CTNND2: variants seen among roughly 807,000 people sequenced by gnomAD.
CTNND2 encodes catenin delta-2.
In CTNND2, 22 loss-of-function variants were observed where a neutral mutation model predicts 144.4. The ratio of observed to expected loss-of-function variants is 0.15; its 90% CI spans 0.11 to 0.22. The LOEUF (loss-of-function observed/expected upper bound fraction) is 0.22. Among genes scored for constraint, CTNND2 ranks in the 10% least tolerant of loss-of-function variants. CTNND2 has a pLI of 1.00. For synonymous variants in CTNND2, 751 were observed against 695.6 expected (o/e 1.08, Z -1.25); for missense variants, 1,353 against 1,618.8 (o/e 0.84, Z 2.82).
intron 11 of CTNND2, among the ~76,000 whole-genome samples, chr5:11,198,862 A>G (rs32265): frequency 0.48 from 73,577 of 152,092 alleles, 18,330 homozygotes; most frequent in African/African-American, 0.6. Context: ...TGTTTTACAG[A>G]GTCTCATTTA....
At chr5:11,902,026 T>G (rs1260632918) in intron 1 of CTNND2, among the ~76,000 whole-genome samples, 1 of 152,214 alleles carries the variant, frequency 6.6e-6, no homozygotes, top group African/African-American at 2.4e-5. Flanking sequence ...AAAGCAATAT[T>G]GCTAAAGACT....
At chr5:11,393,339 G>A (rs1417895224) in intron 6 of CTNND2, among the ~76,000 whole-genome samples, 1 of 152,156 alleles carries the variant, frequency 6.6e-6, no homozygotes, top group Non-Finnish European at 1.5e-5. Flanking sequence ...AATTCTACTG[G>A]AGAATATGCA....
intron 3 of CTNND2, among the ~76,000 whole-genome samples, chr5:11,498,376 T>C (rs61757508): frequency 4.2e-3 from 641 of 152,302 alleles, no homozygotes; most frequent in South Asian, 8.7e-3. Flanking sequence ...ACCTTGATCA[T>C]GAACTCTAAC....
intron 10 of CTNND2, among the ~76,000 whole-genome samples, chr5:11,201,233 C>T (rs1737406892): frequency 6.6e-6 from 1 of 152,112 alleles, no homozygotes; most frequent in Non-Finnish European, 1.5e-5. Flanking sequence ...ATCCCTAAAC[C>T]CAGTGCAATG....
chr5:11,490,413 T>G (rs1038306483), intron 3 of CTNND2, among the ~76,000 whole-genome samples: 1 of 152,234 alleles, frequency 6.6e-6, no homozygotes, highest in Non-Finnish European at 1.5e-5. Context: ...AGCTTTTGAA[T>G]GTACATGTAT....
intron 2 of CTNND2, among the ~76,000 whole-genome samples, chr5:11,660,899 T>A (rs1248054195): frequency 6.6e-6 from 1 of 152,050 alleles, no homozygotes; most frequent in Non-Finnish European, 1.5e-5. Flanking sequence ...AATTTAAAAA[T>A]CTTGAGAAAA....
intron 20 of CTNND2, chr5:10,986,669 G>A (rs530976458): frequency 1.5e-5 from 7 of 456,194 alleles, no homozygotes; most frequent in East Asian, 1.4e-4. Flanking sequence ...AGGTTCTCCC[G>A]TTCAGGAAAC....
chr5:11,511,508 A>C (rs1468006622), intron 3 of CTNND2, among the ~76,000 whole-genome samples: 1 of 152,176 alleles, frequency 6.6e-6, no homozygotes, highest in East Asian at 1.9e-4. Flanking sequence ...GACCATTCCC[A>C]TTCCATTTTC....
At chr5:11,339,994 C>T (rs1039946612) in intron 9 of CTNND2, among the ~76,000 whole-genome samples, 1 of 152,192 alleles carries the variant, frequency 6.6e-6, no homozygotes, top group African/African-American at 2.4e-5. Context: ...TTTCAAGTTA[C>T]CACTTTGTCC....
chr5:11,525,769 T>C (rs1479653735), intron 3 of CTNND2, among the ~76,000 whole-genome samples: 2 of 152,306 alleles, frequency 1.3e-5, no homozygotes, highest in East Asian at 1.9e-4. Context: ...TGTGGGTGTG[T>C]GTGAAAGGTG....
rs566550996 is a variant in CTNND2, at chr5:11,054,084, C to T, written c.2788+28612G>A. Among the ~76,000 whole-genome samples, 3 of 152,300 alleles carry T rather than the reference C, an allele frequency of 2.0e-5. No homozygotes were observed. The East Asian group carries it at 5.8e-4, about 29-fold the overall frequency. Reference sequence around the variant, plus strand: ...CTGAAAATGCTTAATCTCTTTTTCACAGAACAGAGGTGCTGAAAAACCTTT... The same window carrying T: ...CTGAAAATGCTTAATCTCTTTTTCATAGAACAGAGGTGCTGAAAAACCTTT... On this transcript the variant is annotated intron_variant, in intron 16 of 21. Coordinates refer to ENST00000304623, the MANE Select transcript of CTNND2 (RefSeq NM_001332.4).
intron 15 of CTNND2, among the ~76,000 whole-genome samples, chr5:11,096,879 TAGTC>T (rs1347713365): frequency 3.3e-5 from 5 of 152,090 alleles, no homozygotes; most frequent in Non-Finnish European, 5.9e-5. Context: ...CTTTGTGTCT[TAGTC>T]AGGCTGATGC....
chr5:11,273,861 C>G (rs1746261382), intron 9 of CTNND2, among the ~76,000 whole-genome samples: 1 of 152,156 alleles, frequency 6.6e-6, no homozygotes, highest in Admixed American at 6.6e-5. Flanking sequence ...TCCTGATACA[C>G]AGTAAGTTTT....
intron 12 of CTNND2, among the ~76,000 whole-genome samples, chr5:11,158,031 G>T (rs536606090): frequency 1.3e-5 from 2 of 152,152 alleles, no homozygotes; most frequent in African/African-American, 4.8e-5. Context: ...AATAAAGGTG[G>T]TAGCCTATAT....
At chr5:11,197,230 T>C (rs1424870920) in intron 11 of CTNND2, among the ~76,000 whole-genome samples, 1 of 152,246 alleles carries the variant, frequency 6.6e-6, no homozygotes, top group Non-Finnish European at 1.5e-5. Context: ...CAACATGTTC[T>C]GATATGTTTT....
At chr5:11,318,813 A>C (rs1241757559) in intron 9 of CTNND2, among the ~76,000 whole-genome samples, 1 of 152,102 alleles carries the variant, frequency 6.6e-6, no homozygotes, top group Non-Finnish European at 1.5e-5. Context: ...AAAAGCTCTT[A>C]TCTGAAATAG....
chr5:11,016,291 G>T (rs1022379847), intron 18 of CTNND2, among the ~76,000 whole-genome samples: 4 of 152,090 alleles, frequency 2.6e-5, no homozygotes. Context: ...TCCTCTTAGG[G>T]AACAGGAAAA....
intron 2 of CTNND2, among the ~76,000 whole-genome samples, chr5:11,682,425 C>T (rs886839903): frequency 6.6e-6 from 1 of 152,126 alleles, no homozygotes; most frequent in African/African-American, 2.4e-5. Context: ...TCACAACATC[C>T]GGATAGATTC....
In CTNND2 at chr5:11,098,702, C is replaced by T; in HGVS notation, c.2510G>A (p.Gly837Glu). ...PLPDCAEPPK[G>E]IQMLWHPSIV... is the part of the protein sequence containing the mutation. The stretch of plus-strand genomic sequence containing the variant: ...TGATGGGTGCCACAGCATCTGGATC[C>T]CTTTTGGTGGTTCAGCACAGTCTGG... Residue 837 changes from glycine (G) to glutamate (E), a missense_variant, in exon 15 of 22, where the codon GGG (glycine) becomes GAG (glutamate). Gly to Glu is a moderately conservative substitution (Grantham distance 98). This residue lies in a region of CTNND2 where 459 missense variants were observed against 674.3 expected (regional missense o/e 0.68). Transcript: ENST00000304623. The T allele has an allele frequency of 6.2e-7, 1 of 1,614,142 alleles. No homozygotes were observed. Among genetic ancestry groups the T allele is most frequent in the Non-Finnish European group, 8.5e-7 (1 of 1,180,010 alleles).
Sources: gnomAD v4.1 joint callset for allele counts (sites outside exome capture counted in the v4.1 genomes callset) on GRCh38, gnomAD v4.1.1 for gene constraint, gnomAD v4.1.1 regional missense constraint, MANE v1.5 for transcripts, NCBI Gene and HGNC (gene_info 2026-07-23, HGNC 2026-07-21) for gene names.